The following NAV3 variants were observed in gnomAD, a reference collection of about 807,000 sequenced individuals.
The protein encoded by NAV3 is pore membrane and/or filament interacting like protein 1.
A neutral mutation model predicts 244.7 loss-of-function variants in NAV3; 87 were observed. That is an observed-to-expected ratio of 0.36 (90% CI 0.30 to 0.42). The LOEUF is 0.42. Among genes scored for constraint, NAV3 ranks in the 20% least tolerant of loss-of-function variants. The pLI is 1.00. For missense variants in NAV3, 2,663 were observed against 2,893.3 expected, an observed-to-expected ratio of 0.92 and a Z score of 1.83; for synonymous variants, 1,126 against 1,042.2, an observed-to-expected ratio of 1.08 and a Z score of -1.55.
Position 77,727,988 on chromosome 12 carries a change from AT to A in NAV3, c.72+155732del, listed in dbSNP as rs112745297. ...AAACACCCAAATTGGCCTCATCAGTATTTTTTTTTTAGATGTTTTAAAATTG... is the reference window on the plus strand; with the variant it reads ...AAACACCCAAATTGGCCTCATCAGTATTTTTTTTTAGATGTTTTAAAATTG... On this transcript the variant is annotated intron_variant, in intron 2 of 8. Coordinates refer to the NAV3 transcript ENST00000550042. Among the ~76,000 whole-genome samples the A allele has an allele frequency of 3.9e-3, 585 of 149,056 alleles. 4 individuals are homozygous for A. Among genetic ancestry groups the A allele is most frequent in the Middle Eastern group, 0.018 (5 of 284 alleles).
intron 2 of NAV3, among the ~76,000 whole-genome samples, chr12:77,808,861 G>A (rs961489726): frequency 5.3e-5 from 8 of 152,190 alleles, no homozygotes; most frequent in African/African-American, 1.4e-4. Flanking sequence ...CTTTCTTTCA[G>A]ATATGCCGTC....
At chr12:77,738,294 T>C (rs1054863741) in intron 2 of NAV3, among the ~76,000 whole-genome samples, 1 of 152,176 alleles carries the variant, frequency 6.6e-6, no homozygotes, top group African/African-American at 2.4e-5. Context: ...CCAAATCCTA[T>C]GGATTTCTCC....
chr12:77,855,163 C>A (rs1878201363), intron 1 of NAV3, among the ~76,000 whole-genome samples: 1 of 152,026 alleles, frequency 6.6e-6, no homozygotes, highest in Non-Finnish European at 1.5e-5. Context: ...TGACTAACAT[C>A]CTTTTGCATG....
intron 2 of NAV3, among the ~76,000 whole-genome samples, chr12:77,762,134 T>C (rs999339966): frequency 6.3e-4 from 96 of 152,240 alleles, no homozygotes; most frequent in African/African-American, 2.2e-3. Context: ...CGCAGAGACA[T>C]GGATGAAGCT....
chr12:78,116,684 A>G, intron 12 of NAV3, 88 bp from the exon 13 acceptor site: 1 of 1,310,606 alleles, frequency 7.6e-7, no homozygotes, highest in Non-Finnish European at 1.0e-6. Flanking sequence ...TGTCTTAATA[A>G]TAAATTGTGA....
chr12:78,102,976 A>G (rs1954613748), intron 12 of NAV3, among the ~76,000 whole-genome samples: 1 of 152,136 alleles, frequency 6.6e-6, no homozygotes, highest in African/African-American at 2.4e-5. Flanking sequence ...GACCTATGAC[A>G]TGCCCTGGAG....
At chr12:77,992,283 G>C (rs57197859) in intron 5 of NAV3, among the ~76,000 whole-genome samples, 4,763 of 152,254 alleles carry the variant, frequency 0.031, 134 homozygotes, top group African/African-American at 0.078. Flanking sequence ...GGTATCGTGG[G>C]AAGTATTCAA....
At chr12:77,953,871 C>T (rs986971911) in intron 3 of NAV3, among the ~76,000 whole-genome samples, 2 of 152,120 alleles carry the variant, frequency 1.3e-5, no homozygotes, top group African/African-American at 2.4e-5. Flanking sequence ...GTATTAGTTT[C>T]CTGTGGCTTC....
intron 24 of NAV3, among the ~76,000 whole-genome samples, chr12:78,169,917 T>A (rs2139572938): frequency 6.6e-6 from 1 of 151,952 alleles, no homozygotes; most frequent in Admixed American, 6.6e-5. Context: ...TTCTGTTCCT[T>A]TGAAATATTT....
intron 34 of NAV3, 47 bp from the exon 35 acceptor site, chr12:78,197,200 A>G: frequency 1.4e-6 from 2 of 1,388,242 alleles, no homozygotes; most frequent in Non-Finnish European, 1.9e-6. Context: ...GCTTCCTATT[A>G]GTATAAATTT....
chr12:77,955,263 T>C (rs1167913141), intron 3 of NAV3, among the ~76,000 whole-genome samples: 1 of 152,142 alleles, frequency 6.6e-6, no homozygotes, highest in African/African-American at 2.4e-5. Flanking sequence ...ACCTACGCTG[T>C]TTCTCAACCA....
chr12:77,917,091 A>T (rs557766146), intron 1 of NAV3, among the ~76,000 whole-genome samples: 1 of 152,126 alleles, frequency 6.6e-6, no homozygotes, highest in African/African-American at 2.4e-5. Flanking sequence ...AATCTGACAT[A>T]TTATAAAGTT....
chr12:77,777,996 G>C (rs11106666), intron 2 of NAV3, among the ~76,000 whole-genome samples: 84,449 of 151,622 alleles, frequency 0.56, 23,706 homozygotes, highest in South Asian at 0.69. Context: ...AGTAGAGACA[G>C]GGTTTCACCA....
intron 2 of NAV3, among the ~76,000 whole-genome samples, chr12:77,605,215 T>A (rs1337573741): frequency 6.6e-6 from 1 of 152,070 alleles, no homozygotes; most frequent in Non-Finnish European, 1.5e-5. Flanking sequence ...ATCATCTCAA[T>A]AAAGCTTCTA....
intron 23 of NAV3, among the ~76,000 whole-genome samples, chr12:78,164,254 T>G (rs1957685764): frequency 6.6e-6 from 1 of 152,046 alleles, no homozygotes; most frequent in Non-Finnish European, 1.5e-5. Context: ...GTTTTTCTTG[T>G]TAGAAGGTCA....
chr12:77,970,752 T>A (rs977581804), intron 5 of NAV3, among the ~76,000 whole-genome samples: 1 of 152,136 alleles, frequency 6.6e-6, no homozygotes, highest in African/African-American at 2.4e-5. Context: ...ACAAAGTGGA[T>A]GACATCGTGT....
chr12:77,638,774 T>C (rs1273654980), intron 2 of NAV3, among the ~76,000 whole-genome samples: 3 of 152,236 alleles, frequency 2.0e-5, no homozygotes, highest in Admixed American at 2.0e-4. Flanking sequence ...TACTGCATTG[T>C]CTGCCATGGC....
At chr12:77,723,521 A>G (rs1013721716) in intron 2 of NAV3, among the ~76,000 whole-genome samples, 2 of 152,100 alleles carry the variant, frequency 1.3e-5, no homozygotes, top group East Asian at 3.9e-4. Flanking sequence ...CAAAATAAAT[A>G]GGATCTCTGC....
intron 1 of NAV3, among the ~76,000 whole-genome samples, chr12:77,895,461 C>A (rs1199049602): frequency 6.6e-6 from 1 of 151,842 alleles, no homozygotes; most frequent in East Asian, 1.9e-4. Context: ...TTTGGGCATG[C>A]AGCAAGATAT....
Sources: gnomAD v4.1 joint callset for allele counts (sites outside exome capture counted in the v4.1 genomes callset) on GRCh38, gnomAD v4.1.1 for gene constraint, MANE v1.5 for transcripts, NCBI Gene and HGNC (gene_info 2026-07-23, HGNC 2026-07-21) for gene names.